The following EIF5 variants were observed in gnomAD, a reference collection of about 807,000 sequenced individuals.
The protein encoded by EIF5 is eukaryotic translation initiation factor 5.
In EIF5, 10 loss-of-function variants were observed where a neutral mutation model predicts 48.3. The ratio of observed to expected loss-of-function variants is 0.21; its 90% CI spans 0.13 to 0.35. The LOEUF (loss-of-function observed/expected upper bound fraction) is 0.35, where lower values mean the gene tolerates loss of function less well. Among genes scored for constraint, EIF5 ranks in the 10% least tolerant of loss-of-function variants. The pLI is 1.00. For missense variants in EIF5, 397 were observed against 533.2 expected (o/e 0.74, Z 2.51); for synonymous variants, 237 against 173.1 (o/e 1.37, Z -2.90).
At chr14:103,340,362 A>G (rs1393527865) in intron 10 of EIF5, 65 bp from the exon 11 acceptor site, 2 of 1,553,958 alleles carry the variant, frequency 1.3e-6, no homozygotes, top group African/African-American at 2.7e-5. Flanking sequence ...AGTAAGGGGG[A>G]TTGTATAAAT....
In EIF5 at chr14:103,335,789, C is replaced by T; in HGVS notation, c.-72C>T. The T allele has an allele frequency of 1.3e-6, 2 of 1,542,186 alleles. No homozygotes were observed. Among genetic ancestry groups the T allele is most frequent in the Non-Finnish European group, 1.8e-6 (2 of 1,116,258 alleles). Reference sequence around the variant, plus strand: ...GTCGTTTATGTCATCCCTTCTTCTCCAGACAGAAGATACCAAAAAGTTGCA... The same window carrying T: ...GTCGTTTATGTCATCCCTTCTTCTCTAGACAGAAGATACCAAAAAGTTGCA... On this transcript the variant is annotated 5_prime_UTR_variant, in exon 3 of 12. It introduces an in-frame stop codon into an upstream open reading frame of the 5' UTR. Transcript: ENST00000216554.
Position 103,341,084 on chromosome 14 carries a change from A to G in EIF5, c.*32A>G, listed in dbSNP as rs1325252135. 5 of 1,604,146 alleles carry G rather than the reference A, an allele frequency of 3.1e-6. No homozygotes were observed. The highest frequency in any genetic ancestry group is 1.3e-5 in the African/African-American group (1 of 74,756). On this transcript the variant is annotated 3_prime_UTR_variant, in exon 12 of 12. Coordinates refer to ENST00000216554, the MANE Select transcript of EIF5 (RefSeq NM_001969.5). ...GGATGCAACCTAGCTTAACAGTATAATGCTGCAAATTTTCCTCCATTATCA... is the reference window on the plus strand; with the variant it reads ...GGATGCAACCTAGCTTAACAGTATAGTGCTGCAAATTTTCCTCCATTATCA...
In EIF5 at chr14:103,344,133, A is replaced by G. The variant is rs998620429; in HGVS notation, c.*3081A>G. The G allele has an allele frequency of 6.6e-6, 1 of 152,242 alleles. No homozygotes were observed. The highest frequency in any genetic ancestry group is 6.5e-5 in the Admixed American group (1 of 15,284). The allele number at this position is 152,242 out of a possible 1,614,324, so 9.4% of individuals were successfully genotyped here. ...AGATCTTGATTCATAGTGACATTCC[A>G]TAAGTGGGGTGACAGCAAATGACTT... On this transcript the variant is annotated 3_prime_UTR_variant, in exon 12 of 12. Coordinates refer to ENST00000216554, the MANE Select transcript of EIF5 (RefSeq NM_001969.5).
intron 11 of EIF5, 65 bp from the exon 12 acceptor site, chr14:103,340,898 T>C (rs557492796): frequency 1.3e-6 from 2 of 1,528,108 alleles, no homozygotes; most frequent in South Asian, 2.3e-5. Context: ...GACCACAATT[T>C]ACATTGATTT....
intron 7 of EIF5, 80 bp downstream of exon 7, chr14:103,338,552 T>G (rs2089316906): frequency 2.7e-6 from 4 of 1,508,702 alleles, no homozygotes; most frequent in Non-Finnish European, 3.5e-6. Flanking sequence ...GTGGAAATGT[T>G]GAAACTAGCC....
At chr14:103,340,321 C>T in intron 10 of EIF5, 106 bp from the exon 11 acceptor site, 1 of 1,254,068 alleles carries the variant, frequency 8.0e-7, no homozygotes, top group Non-Finnish European at 1.1e-6. Flanking sequence ...TTTGAGGATT[C>T]AGACTTGTTA....
chr14:103,338,173 G>C lies in EIF5; in HGVS notation c.440-154G>C, dbSNP rs1294847185. 6.8e-6 allele frequency: 7 copies of C among 1,027,464 alleles called. No homozygotes were observed. In the Admixed American group the frequency reaches 1.6e-4, roughly 24 times the overall value. 63.6% of individuals were successfully genotyped at this position (1,027,464 alleles called of 1,614,324 possible). On this transcript the variant is annotated intron_variant, in intron 6 of 11. Coordinates refer to ENST00000216554, the MANE Select transcript of EIF5 (RefSeq NM_001969.5). ...TACGTATGAAATACATGATGAATTT[G>C]ATCTGTGAAGCCTCTTAGGTAGCAT... is the stretch of plus-strand genomic sequence containing the variant.
chr14:103,343,212 T>C lies in EIF5; in HGVS notation c.*2160T>C, dbSNP rs2089374159. 6.6e-6 allele frequency: 1 copy of C among 152,534 alleles called. No homozygotes were observed. The highest frequency in any genetic ancestry group is 6.5e-5 in the Admixed American group (1 of 15,276). 9.4% of individuals were successfully genotyped at this position (152,534 alleles called of 1,614,324 possible). A position where few individuals can be genotyped will look rare whatever the true frequency, so the allele number is the denominator to read the frequency against. ...AATATTAAAGTTAACAAGTTTTCAT[T>C]TTATAATGAGATCAAAGCATTGGAA... On this transcript the variant is annotated 3_prime_UTR_variant, in exon 12 of 12. Coordinates refer to ENST00000216554, the MANE Select transcript of EIF5 (RefSeq NM_001969.5).
rs1476972068 is a variant in EIF5, at chr14:103,339,387, G to GATGGTC, written c.906+57_906+62dup. On this transcript the variant is annotated intron_variant, in intron 9 of 11. Transcript: ENST00000216554. ...GAGATTACAGTTGTGTGGCTTTCGA[G>GATGGTC]ATGGTCATATTAACCACTTTTGCTT... The GATGGTC allele has an allele frequency of 2.6e-6, 4 of 1,548,364 alleles. No individual in the cohort carries two copies. The African/African-American group carries it at 4.2e-5, about 16-fold the overall frequency.
rs1446681757 is a variant in EIF5 at position 103,336,678 on chromosome 14, T to C, written c.156T>C (p.Tyr52=). The change falls in exon 5 of 12, where the codon TAT becomes TAC. Residue 52 remains tyrosine, a splice_region_variant and synonymous_variant. Transcript: ENST00000216554. ...CAAACTCCTTTTTCATTCAAATAGA[T>C]CCCACCAAATATTTTGGTTGTGAGC... ...VAKALNRPPT[Y]PTKYFGCELG... 1.2e-6 allele frequency: 2 copies of C among 1,606,572 alleles called. No homozygotes were observed. Among genetic ancestry groups the C allele is most frequent in the African/African-American group, 1.3e-5 (1 of 74,378 alleles).
At position 103,338,908 on chromosome 14, in the gene EIF5, T is replaced by C; in HGVS notation, c.744+15T>C. On this transcript the variant is annotated intron_variant, in intron 8 of 11. Transcript: ENST00000216554. ...ATTTTGTTAAGGTAAAACATTTGCTTGGTCTGTAAATCAGCTTCAACCCAG... is the reference window on the plus strand; with the variant it reads ...ATTTTGTTAAGGTAAAACATTTGCTCGGTCTGTAAATCAGCTTCAACCCAG... 1 of 1,611,646 alleles carries C rather than the reference T, an allele frequency of 6.2e-7. No individual in the cohort carries two copies. Among genetic ancestry groups the C allele is most frequent in the Non-Finnish European group, 8.5e-7 (1 of 1,178,602 alleles).
At position 103,341,069 on chromosome 14, in the gene EIF5, T is replaced by C; in HGVS notation, c.*17T>C. 1 of 1,612,820 alleles carries C rather than the reference T, an allele frequency of 6.2e-7. No homozygotes were observed. The highest frequency in any genetic ancestry group is 2.2e-5 in the East Asian group (1 of 44,864). On this transcript the variant is annotated 3_prime_UTR_variant, in exon 12 of 12. Coordinates refer to ENST00000216554, the MANE Select transcript of EIF5 (RefSeq NM_001969.5). ...GCCATTTAAAGGGATGGATGCAACC[T>C]AGCTTAACAGTATAATGCTGCAAAT...
At position 103,338,336 on chromosome 14, in the gene EIF5, A is replaced by G; in HGVS notation, c.449A>G (p.Asp150Gly). 2 of 1,613,722 alleles carry G rather than the reference A, an allele frequency of 1.2e-6. No homozygotes were observed. The highest frequency in any genetic ancestry group is 1.7e-6 in the Non-Finnish European group (2 of 1,179,884). Reference protein sequence around the residue: ...FILKNPPENSDSGTGKKEKEK... With the variant: ...FILKNPPENSGSGTGKKEKEK... ...CCCTTTTTTTCTGTAGAGAATAGTG[A>G]CAGTGGTACAGGAAAGAAAGAAAAA... Residue 150 changes from aspartate to glycine, a missense_variant, in exon 7 of 12, where the codon GAC (aspartate) becomes GGC (glycine). Asp to Gly is a moderately conservative substitution (Grantham distance 94). Transcript: ENST00000216554.
rs1177960726 is a variant in EIF5, at chr14:103,340,595, T to C, written c.1206+34T>C. 3.1e-6 allele frequency: 5 copies of C among 1,587,806 alleles called. No individual in the cohort carries two copies. The East Asian group carries it at 9.0e-5, about 29-fold the overall frequency. ...TGGGGGAGGAGGGTATTGGATACAG[T>C]GCTGGCATGGGTGTTTGAGATTTAA... On this transcript the variant is annotated intron_variant, in intron 11 of 11. Transcript: ENST00000216554.
At position 103,341,789 on chromosome 14, in the gene EIF5, TA is replaced by T. The variant is rs1219208069; in HGVS notation, c.*738del. The T allele has an allele frequency of 6.6e-6, 1 of 152,592 alleles. No individual in the cohort carries two copies. The highest frequency in any genetic ancestry group is 2.4e-5 in the African/African-American group (1 of 41,436). The allele number at this position is 152,592 out of a possible 1,614,324, so 9.5% of individuals were successfully genotyped here. A position where few individuals can be genotyped will look rare whatever the true frequency, so the allele number is the denominator to read the frequency against. ...TGCACGTTGGATGAGCCAGGGAAAT[TA>T]TTACATTAACAAGCATTTTGTGTGT... On this transcript the variant is annotated 3_prime_UTR_variant, in exon 12 of 12. Transcript: ENST00000216554.
At chr14:103,337,375 C>A in intron 6 of EIF5, 148 bp downstream of exon 6, 1 of 646,190 alleles carries the variant, frequency 1.5e-6, no homozygotes. Context: ...GAGGCCAGGG[C>A]GGGCACATCA....
At chr14:103,338,263 A>C (rs2089312830) in intron 6 of EIF5, 64 bp from the exon 7 acceptor site, 16 of 1,575,150 alleles carry the variant, frequency 1.0e-5, no homozygotes, top group Non-Finnish European at 1.3e-5. Context: ...TTTAAACGTT[A>C]ATGATGGGCA....
Position 103,338,466 on chromosome 14 carries a change from T to C in EIF5, c.579T>C (p.His193=). The C allele has an allele frequency of 1.3e-6, 2 of 1,567,966 alleles. No homozygotes were observed. The highest frequency in any genetic ancestry group is 1.7e-6 in the Non-Finnish European group (2 of 1,155,628). ...PPPNEINPPP[H]TMEEEEDDDW... is the part of the protein sequence containing the mutation. The stretch of plus-strand genomic sequence containing the variant: ...CAAATGAAATTAATCCTCCTCCACA[T>C]ACAATGGTGAGTGCAGGGTTGATGG... The change falls in exon 7 of 12, where the codon CAT becomes CAC. Residue 193 remains histidine (H), a synonymous_variant. Transcript: ENST00000216554.
At position 103,341,729 on chromosome 14, in the gene EIF5, C is replaced by T. The variant is rs901731045; in HGVS notation, c.*677C>T. 1.3e-5 allele frequency: 2 copies of T among 152,378 alleles called. No individual in the cohort carries two copies. Among genetic ancestry groups the T allele is most frequent in the Non-Finnish European group, 2.9e-5 (2 of 68,088 alleles). 9.4% of individuals were successfully genotyped at this position (152,378 alleles called of 1,614,324 possible). ...GAGAGCTGTTTTCTCATTTCATGTA[C>T]ACTTGCCCCAAATTGTCTTTGAAGT... On this transcript the variant is annotated 3_prime_UTR_variant, in exon 12 of 12. Coordinates refer to ENST00000216554, the MANE Select transcript of EIF5 (RefSeq NM_001969.5).
Sources: gnomAD v4.1 joint callset for allele counts on GRCh38, gnomAD v4.1.1 for gene constraint, MANE v1.5 for transcripts, NCBI Gene and HGNC (gene_info 2026-07-23, HGNC 2026-07-21) for gene names.